The following LPP variants were observed in gnomAD, a reference collection of about 807,000 sequenced individuals.
LPP encodes LIM domain containing preferred translocation partner in lipoma, also known as lipoma-preferred partner.
A neutral mutation model predicts 60.4 loss-of-function variants in LPP; 38 were observed. The ratio of observed to expected loss-of-function variants is 0.63; its 90% confidence interval spans 0.49 to 0.83. The LOEUF (loss-of-function observed/expected upper bound fraction) is 0.83, where lower values mean the gene tolerates loss of function less well. LPP is among the 40% of genes least tolerant of loss of function. The pLI, the probability that LPP is intolerant of heterozygous loss-of-function variation, is 0.00. For missense variants in LPP, 902 were observed against 783.6 expected (o/e 1.15, Z -1.80); for synonymous variants, 328 against 290.8 (o/e 1.13, Z -1.30).
Position 188,304,723 on chromosome 3 carries a change from C to T in LPP, c.-66-36940C>T, listed in dbSNP as rs547600655. 3.3e-5 allele frequency among the ~76,000 whole-genome samples: 5 copies of T among 152,188 alleles called. No individual in the cohort carries two copies. In the South Asian group the frequency reaches 8.3e-4, roughly 25 times the overall value. On this transcript the variant is annotated intron_variant, in intron 2 of 11. Transcript: ENST00000617246. ...AAATATCTTGAGCATCTTTTCTTTT[C>T]CCATGTGTTTTGACTCAAGTTCCTT...
At chr3:188,239,893 A>G (rs575187859) in intron 2 of LPP, 3 of 208,592 alleles carry the variant, frequency 1.4e-5, no homozygotes, top group Admixed American at 5.9e-5. Flanking sequence ...TTCTAATGAA[A>G]TTTCAGGCCT....
chr3:188,640,487 G>A (rs1475469702), intron 7 of LPP, among the ~76,000 whole-genome samples: 1 of 149,380 alleles, frequency 6.7e-6, no homozygotes, highest in Non-Finnish European at 1.5e-5. Context: ...CCTGCACAAT[G>A]TGCACATGTA....
intron 2 of LPP, among the ~76,000 whole-genome samples, chr3:188,308,919 T>G (rs1460269742): frequency 2.6e-5 from 4 of 151,864 alleles, no homozygotes; most frequent in African/African-American, 4.8e-5. Flanking sequence ...CTTCTTCGTC[T>G]TCTTCTTCTT....
intron 3 of LPP, among the ~76,000 whole-genome samples, chr3:188,386,318 T>G (rs1448888036): frequency 6.6e-6 from 1 of 151,420 alleles, no homozygotes; most frequent in African/African-American, 2.4e-5. Flanking sequence ...ATAATCTCTC[T>G]GCCTTATTAG....
At chr3:188,796,354 A>G (rs1231555207) in intron 9 of LPP, among the ~76,000 whole-genome samples, 1 of 152,206 alleles carries the variant, frequency 6.6e-6, no homozygotes, top group East Asian at 1.9e-4. Context: ...GAGATAAACC[A>G]TGAAGGACTT....
At chr3:188,375,866 A>C (rs1239676661) in intron 3 of LPP, among the ~76,000 whole-genome samples, 2 of 151,626 alleles carry the variant, frequency 1.3e-5, no homozygotes, top group Non-Finnish European at 2.9e-5. Context: ...CCCTCTACAC[A>C]CTGCTTTGAA....
At chr3:188,319,274 TG>T (rs902999237) in intron 2 of LPP, among the ~76,000 whole-genome samples, 2 of 152,160 alleles carry the variant, frequency 1.3e-5, no homozygotes, top group Non-Finnish European at 2.9e-5. Flanking sequence ...AACGGTGGTT[TG>T]GGAAGAGGAT....
chr3:188,703,043 T>G (rs924913365), intron 7 of LPP, among the ~76,000 whole-genome samples: 1 of 152,164 alleles, frequency 6.6e-6, no homozygotes, highest in African/African-American at 2.4e-5. Context: ...CATCCAGAAA[T>G]AGGATTACAT....
At chr3:188,293,383 C>T (rs1162354892) in intron 2 of LPP, among the ~76,000 whole-genome samples, 1 of 152,184 alleles carries the variant, frequency 6.6e-6, no homozygotes, top group East Asian at 1.9e-4. Context: ...AGCGAGAGCT[C>T]TTTGTATACT....
intron 3 of LPP, 126 bp from the exon 4 acceptor site, chr3:188,405,986 A>T: frequency 1.4e-6 from 1 of 696,936 alleles, no homozygotes; most frequent in Non-Finnish European, 2.3e-6. Context: ...ATTTTCTTTC[A>T]CCCTTCTTTC....
intron 6 of LPP, among the ~76,000 whole-genome samples, chr3:188,579,985 A>G (rs1835695943): frequency 6.6e-6 from 1 of 152,012 alleles, no homozygotes; most frequent in Admixed American, 6.6e-5. Flanking sequence ...TGAGCGACAG[A>G]GCAAGACCCT....
intron 7 of LPP, among the ~76,000 whole-genome samples, chr3:188,678,317 C>CA (rs1858598435): frequency 6.6e-6 from 1 of 152,176 alleles, no homozygotes; most frequent in Non-Finnish European, 1.5e-5. Flanking sequence ...TTTAATGTAG[C>CA]TTTATACAGC....
chr3:188,749,596 G>A (rs1727415761), intron 8 of LPP, among the ~76,000 whole-genome samples: 1 of 152,190 alleles, frequency 6.6e-6, no homozygotes, highest in African/African-American at 2.4e-5. Flanking sequence ...GTATGGTCCA[G>A]CTCAAAGATC....
At chr3:188,548,575 C>A (rs973865806) in intron 6 of LPP, among the ~76,000 whole-genome samples, 2 of 152,114 alleles carry the variant, frequency 1.3e-5, no homozygotes, top group African/African-American at 2.4e-5. Flanking sequence ...TCAAACATTT[C>A]ATTAGACTTC....
chr3:188,743,106 C>G lies in LPP; in HGVS notation c.1241-17007C>G, dbSNP rs185857081. Among the ~76,000 whole-genome samples, 13 of 152,196 alleles carry G rather than the reference C, an allele frequency of 8.5e-5. 1 individual carries two copies. Among genetic ancestry groups the G allele is most frequent in the African/African-American group, 3.1e-4 (13 of 41,532 alleles). On this transcript the variant is annotated intron_variant, in intron 8 of 11. Transcript: ENST00000617246. Reference sequence around the variant, plus strand: ...TCCTAATATTTTAAAGTTTGCTGAACCATACCTCATAGAACATTTACCTGC... The same window carrying G: ...TCCTAATATTTTAAAGTTTGCTGAAGCATACCTCATAGAACATTTACCTGC...
chr3:188,619,172 C>T (rs1413898640), intron 7 of LPP, among the ~76,000 whole-genome samples: 4 of 152,064 alleles, frequency 2.6e-5, no homozygotes, highest in Non-Finnish European at 5.9e-5. Context: ...TTACAGGCAT[C>T]TGCCACCAGG....
chr3:188,305,735 C>T (rs116757808), intron 2 of LPP, among the ~76,000 whole-genome samples: 3,265 of 152,268 alleles, frequency 0.021, 129 homozygotes, highest in African/African-American at 0.074. Flanking sequence ...GAAGGTTTTT[C>T]AGAGTCTGAA....
chr3:188,408,379 C>T (rs996499322), intron 4 of LPP, among the ~76,000 whole-genome samples: 2 of 152,136 alleles, frequency 1.3e-5, no homozygotes, highest in Non-Finnish European at 2.9e-5. Flanking sequence ...GACTCCTTTA[C>T]TGTGAATTTG....
chr3:188,646,820 T>A (rs1276621438), intron 7 of LPP, among the ~76,000 whole-genome samples: 1 of 152,188 alleles, frequency 6.6e-6, no homozygotes, highest in Non-Finnish European at 1.5e-5. Flanking sequence ...CTTAGATGCA[T>A]AAACCGAACA....
Sources: allele counts gnomAD v4.1 joint callset (sites outside exome capture counted in the v4.1 genomes callset), GRCh38; gene constraint gnomAD v4.1.1; transcripts MANE v1.5; gene names NCBI Gene and HGNC (gene_info 2026-07-23, HGNC 2026-07-21).